Variants in RPS6KC1 observed in about 807,000 individuals in gnomAD.
The protein encoded by RPS6KC1 is ribosomal protein S6 kinase C1, also known as inactive ribosomal protein S6 kinase delta-1.
Under a neutral mutation model 103.8 loss-of-function variants are expected in RPS6KC1, and 54 were observed. That is an observed-to-expected ratio of 0.52 (90% CI 0.42 to 0.65). RPS6KC1 has a LOEUF of 0.65. RPS6KC1 is among the 30% of genes least tolerant of loss of function. The pLI, the probability that RPS6KC1 is intolerant of heterozygous loss-of-function variation, is 0.00. For missense variants in RPS6KC1, 1,151 were observed against 1,253.8 expected (o/e 0.92, Z 1.24); for synonymous variants, 439 against 438.7 (o/e 1.00, Z -0.01).
chr1:213,310,360 C>T, the RPS6KC1 span, among the ~76,000 whole-genome samples: 2 of 152,026 alleles, frequency 1.3e-5, no homozygotes, highest in Non-Finnish European at 2.9e-5. Context: ...GTATCCCATC[C>T]TCCCTCCCTG....
At chr1:213,766,812 C>A in the RPS6KC1 span, among the ~76,000 whole-genome samples, 1 of 152,134 alleles carries the variant, frequency 6.6e-6, no homozygotes, top group African/African-American at 2.4e-5. Context: ...CGTTGGACCT[C>A]CCCTTTGCTT....
At chr1:213,316,678 G>A in the RPS6KC1 span, among the ~76,000 whole-genome samples, 1 of 151,356 alleles carries the variant, frequency 6.6e-6, no homozygotes, top group East Asian at 1.9e-4. Context: ...GAGAAAAATA[G>A]AGCAAGGTAG....
At chr1:213,652,103 T>C in the RPS6KC1 span, among the ~76,000 whole-genome samples, 3 of 152,226 alleles carry the variant, frequency 2.0e-5, no homozygotes, top group African/African-American at 7.2e-5. Flanking sequence ...AATGTTAATT[T>C]ATAAGTATCA....
the RPS6KC1 span, among the ~76,000 whole-genome samples, chr1:213,367,974 C>T: frequency 6.6e-6 from 1 of 152,200 alleles, no homozygotes; most frequent in Admixed American, 6.5e-5. Context: ...ATTCAATGCA[C>T]ATCTGTTGGT....
chr1:213,399,391 G>A, the RPS6KC1 span, among the ~76,000 whole-genome samples: 1 of 152,182 alleles, frequency 6.6e-6, no homozygotes, highest in East Asian at 1.9e-4. Context: ...GTAGAGTTGA[G>A]TAGATCCTTG....
the RPS6KC1 span, among the ~76,000 whole-genome samples, chr1:213,564,013 A>AT: frequency 7.2e-6 from 1 of 138,938 alleles, no homozygotes; most frequent in Non-Finnish European, 1.6e-5. Context: ...TCTGGATTCA[A>AT]TTTTCTCTTT....
the RPS6KC1 span, among the ~76,000 whole-genome samples, chr1:213,848,604 T>C: frequency 1.8e-4 from 28 of 152,244 alleles, no homozygotes; most frequent in Non-Finnish European, 3.2e-4. Flanking sequence ...TATATTCTAA[T>C]ATATATTAAT....
At chr1:213,764,791 T>C in the RPS6KC1 span, among the ~76,000 whole-genome samples, 4 of 152,148 alleles carry the variant, frequency 2.6e-5, no homozygotes, top group Non-Finnish European at 5.9e-5. Context: ...TGCCTGAAGC[T>C]GAAAACCCTG....
chr1:213,329,202 C>T, the RPS6KC1 span, among the ~76,000 whole-genome samples: 60 of 152,280 alleles, frequency 3.9e-4, no homozygotes, highest in East Asian at 0.01. Context: ...ACCTTTGGAA[C>T]GACTCCTTTC....
the RPS6KC1 span, among the ~76,000 whole-genome samples, chr1:213,525,467 C>A: frequency 6.6e-6 from 1 of 151,954 alleles, no homozygotes; most frequent in Non-Finnish European, 1.5e-5. Context: ...ATGTAAAAGT[C>A]TGGAGTTTAA....
chr1:213,790,343 A>T, the RPS6KC1 span, among the ~76,000 whole-genome samples: 4 of 152,198 alleles, frequency 2.6e-5, no homozygotes, highest in Non-Finnish European at 5.9e-5. Context: ...CCTACAGTCA[A>T]CAGTATGTAT....
intron 12 of RPS6KC1, among the ~76,000 whole-genome samples, chr1:213,252,144 C>T (rs1432407462): frequency 6.6e-6 from 1 of 152,180 alleles, no homozygotes; most frequent in African/African-American, 2.4e-5. Flanking sequence ...TAATGCTCAG[C>T]CCCTGCATAG....
At chr1:213,462,603 A>G in the RPS6KC1 span, among the ~76,000 whole-genome samples, 1 of 152,250 alleles carries the variant, frequency 6.6e-6, no homozygotes, top group Non-Finnish European at 1.5e-5. Flanking sequence ...TGTCCTTTGC[A>G]GAGACATGGA....
At chr1:213,813,831 G>A in the RPS6KC1 span, among the ~76,000 whole-genome samples, 1 of 152,278 alleles carries the variant, frequency 6.6e-6, no homozygotes, top group Non-Finnish European at 1.5e-5. Context: ...CCATAGCATA[G>A]GATGCCCAGA....
chr1:213,268,184 C>T (rs898090616), intron 14 of RPS6KC1, among the ~76,000 whole-genome samples: 3 of 151,740 alleles, frequency 2.0e-5, no homozygotes, highest in Admixed American at 6.6e-5. Context: ...ATTTTGGAAA[C>T]AGTAAAAGGA....
the RPS6KC1 span, among the ~76,000 whole-genome samples, chr1:213,590,468 C>T: frequency 1.3e-5 from 2 of 152,074 alleles, no homozygotes; most frequent in African/African-American, 2.4e-5. Context: ...TTTGGGATCA[C>T]CACCAGTAGA....
At chr1:213,777,790 A>T in the RPS6KC1 span, among the ~76,000 whole-genome samples, 31 of 152,330 alleles carry the variant, frequency 2.0e-4, no homozygotes, top group Middle Eastern at 6.8e-3. Context: ...TGAAGTAGTC[A>T]TCTATTCAGA....
chr1:213,537,414 A>G, the RPS6KC1 span, among the ~76,000 whole-genome samples: 2 of 152,120 alleles, frequency 1.3e-5, no homozygotes, highest in Admixed American at 1.3e-4. Context: ...TGTAACCTTA[A>G]TCTTGGCATA....
the RPS6KC1 span, among the ~76,000 whole-genome samples, chr1:213,753,673 T>C: frequency 6.6e-6 from 1 of 152,154 alleles, no homozygotes; most frequent in Non-Finnish European, 1.5e-5. Context: ...TCCAGGTACC[T>C]GTAGGACAGC....
Sources: gnomAD v4.1 joint callset for allele counts (sites outside exome capture counted in the v4.1 genomes callset) on GRCh38, gnomAD v4.1.1 for gene constraint, MANE v1.5 for transcripts, NCBI Gene and HGNC (gene_info 2026-07-23, HGNC 2026-07-21) for gene names.